The following EPB41L4A variants were observed in gnomAD, a reference collection of about 807,000 sequenced individuals.
EPB41L4A encodes erythrocyte membrane protein band 4.1 like 4A, also known as band 4.1-like protein 4A.
Under a neutral mutation model 108.6 loss-of-function variants are expected in EPB41L4A, and 100 were observed. The ratio of observed to expected loss-of-function variants is 0.92; its 90% confidence interval spans 0.78 to 1.09. The LOEUF (loss-of-function observed/expected upper bound fraction) is 1.09. Among genes scored for constraint, EPB41L4A ranks in the 50% least tolerant of loss-of-function variants. EPB41L4A has a pLI of 0.00. For synonymous variants in EPB41L4A, 319 were observed against 289.0 expected, an observed-to-expected ratio of 1.10 and a Z score of -1.05; for missense variants, 1,030 against 842.7, an observed-to-expected ratio of 1.22 and a Z score of -2.75.
intron 2 of EPB41L4A, among the ~76,000 whole-genome samples, chr5:112,287,686 G>C (rs912231201): frequency 5.9e-5 from 9 of 152,148 alleles, no homozygotes; most frequent in Non-Finnish European, 1.0e-4. Context: ...GTGTTTTTGG[G>C]ATGAAGTAGC....
intron 2 of EPB41L4A, among the ~76,000 whole-genome samples, chr5:112,296,589 T>C (rs1753998979): frequency 6.6e-6 from 1 of 152,156 alleles, no homozygotes; most frequent in Non-Finnish European, 1.5e-5. Context: ...TTCCAATAAA[T>C]ACTTATATTT....
chr5:112,167,615 C>A (rs978972431), intron 22 of EPB41L4A, among the ~76,000 whole-genome samples: 2 of 152,152 alleles, frequency 1.3e-5, no homozygotes, highest in South Asian at 2.1e-4. Flanking sequence ...TGTAAAAGTT[C>A]AACCCCCTTG....
At chr5:112,340,854 CATAAAT>C (rs1177533900) in intron 1 of EPB41L4A, among the ~76,000 whole-genome samples, 1 of 152,198 alleles carries the variant, frequency 6.6e-6, no homozygotes, top group African/African-American at 2.4e-5. Flanking sequence ...CTATTGTAAA[CATAAAT>C]ATATTTCATA....
chr5:112,323,203 T>G (rs1044946968), intron 1 of EPB41L4A, among the ~76,000 whole-genome samples: 4 of 151,246 alleles, frequency 2.6e-5, no homozygotes, highest in Admixed American at 2.6e-4. Flanking sequence ...AAGACATAAC[T>G]GGAAAGGAGG....
chr5:112,395,556 A>G (rs1169202671), intron 1 of EPB41L4A, among the ~76,000 whole-genome samples: 1 of 152,248 alleles, frequency 6.6e-6, no homozygotes, highest in Non-Finnish European at 1.5e-5. Flanking sequence ...ATACCATCTC[A>G]TGCCAGTTAG....
intron 9 of EPB41L4A, among the ~76,000 whole-genome samples, chr5:112,253,077 A>G (rs1226551766): frequency 2.0e-5 from 3 of 152,186 alleles, no homozygotes; most frequent in Non-Finnish European, 4.4e-5. Context: ...TGCTAAATTT[A>G]CAGAGAATTT....
At position 112,234,506 on chromosome 5, in the gene EPB41L4A, G is replaced by A. The variant is rs536015671; in HGVS notation, c.1087+128C>T. 3.2e-5 allele frequency: 27 copies of A among 853,460 alleles called. No homozygotes were observed. In the South Asian group the frequency reaches 1.1e-3, roughly 33 times the overall value. 52.9% of individuals were successfully genotyped at this position (853,460 alleles called of 1,614,324 possible). Reference sequence around the variant, plus strand: ...GATCAAATTAAAATTTCTAATATTAGAAAATTTTAATATTGGAAATTTCAA... The same window carrying A: ...GATCAAATTAAAATTTCTAATATTAAAAAATTTTAATATTGGAAATTTCAA... On this transcript the variant is annotated intron_variant, in intron 12 of 22. Transcript: ENST00000261486.
chr5:112,195,939 T>C (rs1462678259), intron 15 of EPB41L4A, among the ~76,000 whole-genome samples: 3 of 152,172 alleles, frequency 2.0e-5, no homozygotes, highest in African/African-American at 7.2e-5. Flanking sequence ...ACCGTCCGAA[T>C]TCCATTAATC....
intron 6 of EPB41L4A, chr5:112,264,609 T>A: frequency 4.5e-6 from 1 of 223,272 alleles, no homozygotes; most frequent in Middle Eastern, 1.6e-3. Flanking sequence ...AACCTATGTA[T>A]GACAAATTTT....
At chr5:112,275,762 A>AT (rs199665866) in intron 3 of EPB41L4A, among the ~76,000 whole-genome samples, 15 of 151,982 alleles carry the variant, frequency 9.9e-5, no homozygotes, top group Non-Finnish European at 1.9e-4. Flanking sequence ...CTATCATTTC[A>AT]TTAAAAAAAA....
chr5:112,245,241 T>C (rs868708259), intron 9 of EPB41L4A, among the ~76,000 whole-genome samples: 8 of 152,312 alleles, frequency 5.3e-5, no homozygotes, highest in East Asian at 3.9e-4. Context: ...TGTGAAGTTA[T>C]ATACTTGCTA....
intron 12 of EPB41L4A, among the ~76,000 whole-genome samples, chr5:112,226,048 G>T (rs1021555805): frequency 6.6e-6 from 1 of 152,174 alleles, no homozygotes; most frequent in Non-Finnish European, 1.5e-5. Context: ...TCCTCATGGG[G>T]CCTGGCCTTT....
intron 1 of EPB41L4A, among the ~76,000 whole-genome samples, chr5:112,343,859 C>G (rs950495983): frequency 2.0e-5 from 3 of 152,174 alleles, no homozygotes; most frequent in African/African-American, 7.2e-5. Flanking sequence ...AAATACATAA[C>G]CATTTATCAC....
chr5:112,158,728 G>A (rs1208353066), downstream of EPB41L4A, among the ~76,000 whole-genome samples: 2 of 152,156 alleles, frequency 1.3e-5, no homozygotes, highest in Non-Finnish European at 2.9e-5. Flanking sequence ...AAGATCTGGT[G>A]AGATCTCCTG....
At chr5:112,199,446 T>C (rs1437976823) in intron 15 of EPB41L4A, among the ~76,000 whole-genome samples, 1 of 152,220 alleles carries the variant, frequency 6.6e-6, no homozygotes, top group Non-Finnish European at 1.5e-5. Context: ...AGCCAAATGC[T>C]GGAGCTTCTT....
chr5:112,362,323 C>T (rs1758823655), intron 1 of EPB41L4A, among the ~76,000 whole-genome samples: 1 of 151,574 alleles, frequency 6.6e-6, no homozygotes, highest in Admixed American at 6.6e-5. Flanking sequence ...CCCTGTCACC[C>T]AGGCTGCAGT....
In EPB41L4A at chr5:112,268,842, CAAAAAAA is replaced by C. The variant is rs34983995; in HGVS notation, c.336-2519_336-2513del. On this transcript the variant is annotated intron_variant, in intron 4 of 22. Coordinates refer to ENST00000261486, the MANE Select transcript of EPB41L4A (RefSeq NM_022140.5). ...TGGGCAACAGAATAAGACCTTCTCT[CAAAAAAA>C]AAAAAAAAAAAAAAAAAGACTTTAA... Among the ~76,000 whole-genome samples the C allele has an allele frequency of 4.6e-4, 26 of 55,918 alleles. No homozygotes were observed. In the Admixed American group the frequency reaches 6.0e-3, roughly 13 times the overall value. The allele number at this position is 55,918 out of a possible 152,430, so 36.7% of individuals were successfully genotyped here. A position where few individuals can be genotyped will look rare whatever the true frequency, so the allele number is the denominator to read the frequency against.
intron 13 of EPB41L4A, among the ~76,000 whole-genome samples, chr5:112,207,219 G>C (rs555155570): frequency 9.2e-4 from 140 of 152,316 alleles, no homozygotes; most frequent in African/African-American, 3.3e-3. Flanking sequence ...GGGATGGCCA[G>C]TCATATGCAG....
intron 1 of EPB41L4A, among the ~76,000 whole-genome samples, chr5:112,378,735 C>T (rs923712659): frequency 1.3e-5 from 2 of 152,190 alleles, no homozygotes; most frequent in African/African-American, 4.8e-5. Context: ...AGTTCAAGTA[C>T]ATTTTTTGTG....
Sources: allele counts gnomAD v4.1 joint callset (sites outside exome capture counted in the v4.1 genomes callset), GRCh38; gene constraint gnomAD v4.1.1; transcripts MANE v1.5; gene names NCBI Gene and HGNC (gene_info 2026-07-23, HGNC 2026-07-21).